TBC1D10A: variants seen among roughly 807,000 people sequenced by gnomAD.
TBC1D10A encodes the protein TBC1 domain family member 10A.
In TBC1D10A, 24 loss-of-function variants were observed where a neutral mutation model predicts 52.9. The ratio of observed to expected loss-of-function variants is 0.45; its 90% CI spans 0.33 to 0.64. The LOEUF is 0.64. Among genes scored for constraint, TBC1D10A ranks in the 30% least tolerant of loss-of-function variants. The pLI, the probability that TBC1D10A is intolerant of heterozygous loss-of-function variation, is 0.02. For missense variants in TBC1D10A, 602 were observed against 687.9 expected, an observed-to-expected ratio of 0.88 and a Z score of 1.40; for synonymous variants, 278 against 282.9, an observed-to-expected ratio of 0.98 and a Z score of 0.17.
chr22:30,307,785 AT>A (rs1396606030), intron 1 of TBC1D10A: 3 of 152,020 alleles, frequency 2.0e-5, no homozygotes, highest in Admixed American at 6.6e-5. Flanking sequence ...CTATAACATC[AT>A]TCTCCCCTTT....
At chr22:30,323,024 T>C (rs1930690623) in intron 1 of TBC1D10A, among the ~76,000 whole-genome samples, 1 of 151,390 alleles carries the variant, frequency 6.6e-6, no homozygotes, top group Admixed American at 6.6e-5. Context: ...CCTCTCAGCC[T>C]CCCAAGTAGC....
At chr22:30,325,128 G>A (rs1360263648) in intron 1 of TBC1D10A, among the ~76,000 whole-genome samples, 1 of 152,226 alleles carries the variant, frequency 6.6e-6, no homozygotes, top group Non-Finnish European at 1.5e-5. Flanking sequence ...GGGGAACTGT[G>A]ACAAAGCATC....
At chr22:30,321,454 C>A (rs1298481026) in intron 1 of TBC1D10A, among the ~76,000 whole-genome samples, 1 of 152,234 alleles carries the variant, frequency 6.6e-6, no homozygotes, top group African/African-American at 2.4e-5. Flanking sequence ...GCCCTGACCC[C>A]ACTCCAATAA....
At position 30,295,823 on chromosome 22, in the gene TBC1D10A, C is replaced by T; in HGVS notation, c.438G>A (p.Gly146=). Residue 146 remains glycine, a synonymous_variant, in exon 4 of 9, where the codon GGG becomes GGA. Transcript: ENST00000215790. ...GKFDELDMSP[G]DPKWLDVIER... is the part of the protein sequence containing the mutation. ...CAATCACGTCCAGCCACTTGGGGTCCCCAGGGGACATGTCCAGCTCCTAGA... is the reference window on the plus strand; with the variant it reads ...CAATCACGTCCAGCCACTTGGGGTCTCCAGGGGACATGTCCAGCTCCTAGA... The T allele has an allele frequency of 6.2e-7, 1 of 1,613,784 alleles. No homozygotes were observed. The highest frequency in any genetic ancestry group is 8.5e-7 in the Non-Finnish European group (1 of 1,179,944).
chr22:30,299,117 A>G, intron 3 of TBC1D10A: 1 of 239,898 alleles, frequency 4.2e-6, no homozygotes, highest in South Asian at 5.7e-5. Flanking sequence ...CTGATGACCA[A>G]GAGCAGGGAG....
chr22:30,326,084 G>A (rs1366030460), intron 1 of TBC1D10A, among the ~76,000 whole-genome samples: 3 of 151,792 alleles, frequency 2.0e-5, no homozygotes, highest in Non-Finnish European at 1.5e-5. Context: ...AGGGGAGGGA[G>A]GTGACCAATG....
chr22:30,294,739 G>A (rs1275806078), intron 6 of TBC1D10A, 57 bp downstream of exon 6: 29 of 1,609,572 alleles, frequency 1.8e-5, no homozygotes, highest in Non-Finnish European at 2.5e-5. Context: ...AGAAGGGCCT[G>A]GAGGGGCCAC....
chr22:30,312,271 C>T (rs1413082563), intron 1 of TBC1D10A, among the ~76,000 whole-genome samples: 1 of 152,154 alleles, frequency 6.6e-6, no homozygotes, highest in Non-Finnish European at 1.5e-5. Flanking sequence ...TAGATCTTAC[C>T]AAAATTAGTC....
rs766331115 is a variant in TBC1D10A at position 30,295,104 on chromosome 22, C to T, written c.525-49G>A. ...GTGATGACCGGGGTGACTCTGCTAC[C>T]CACGGCCTTCACCTATGCCCCAGTG... On this transcript the variant is annotated intron_variant, in intron 4 of 8. Transcript: ENST00000215790. 1.9e-6 allele frequency: 3 copies of T among 1,584,972 alleles called. No individual in the cohort carries two copies. The South Asian group carries it at 3.3e-5, about 18-fold the overall frequency.
At chr22:30,303,306 T>TAGACAGAC (rs3067181) in intron 2 of TBC1D10A, among the ~76,000 whole-genome samples, 3,168 of 149,002 alleles carry the variant, frequency 0.021, 63 homozygotes, top group African/African-American at 0.061. Context: ...GATAGATAGA[T>TAGACAGAC]AGACAGACAG....
intron 6 of TBC1D10A, 29 bp downstream of exon 6, chr22:30,294,767 G>A (rs926326703): frequency 5.6e-6 from 9 of 1,613,944 alleles, no homozygotes; most frequent in Non-Finnish European, 7.6e-6. Flanking sequence ...GTCCAGCCCA[G>A]GGCAAGTCCC....
At chr22:30,324,363 C>T (rs534164604) in intron 1 of TBC1D10A, among the ~76,000 whole-genome samples, 5 of 152,140 alleles carry the variant, frequency 3.3e-5, no homozygotes, top group Admixed American at 2.0e-4. Flanking sequence ...TAGGGAACAT[C>T]GAAGCTTTCA....
intron 4 of TBC1D10A, 130 bp from the exon 5 acceptor site, chr22:30,295,185 G>A: frequency 1.2e-6 from 1 of 844,896 alleles, no homozygotes; most frequent in Non-Finnish European, 1.9e-6. Context: ...ATCTGCTTGT[G>A]GTCACCAAGG....
At chr22:30,306,896 T>G (rs1406284845) in intron 1 of TBC1D10A, among the ~76,000 whole-genome samples, 1 of 152,218 alleles carries the variant, frequency 6.6e-6, no homozygotes, top group Non-Finnish European at 1.5e-5. Context: ...ATCTATTTTT[T>G]TTGTTGTTAA....
chr22:30,300,524 A>G (rs1229309965), intron 2 of TBC1D10A: 1 of 152,042 alleles, frequency 6.6e-6, no homozygotes, highest in Non-Finnish European at 1.5e-5. Flanking sequence ...CAGGGAGGGC[A>G]TTGCACTGTG....
chr22:30,311,879 G>A (rs188486556), intron 1 of TBC1D10A, among the ~76,000 whole-genome samples: 7 of 152,088 alleles, frequency 4.6e-5, no homozygotes, highest in East Asian at 1.9e-4. Flanking sequence ...TGCAGCCTCC[G>A]CCTCCTGGGC....
At chr22:30,303,306 T>TAGATAGACAGACAGACAGAC (rs139722034) in intron 2 of TBC1D10A, among the ~76,000 whole-genome samples, 2 of 148,916 alleles carry the variant, frequency 1.3e-5, no homozygotes, top group Non-Finnish European at 1.5e-5. Flanking sequence ...GATAGATAGA[T>TAGATAGACAGACAGACAGAC]AGACAGACAG....
chr22:30,311,443 T>G (rs1457663853), intron 1 of TBC1D10A, among the ~76,000 whole-genome samples: 2 of 152,214 alleles, frequency 1.3e-5, no homozygotes, highest in Non-Finnish European at 2.9e-5. Context: ...CCAGGCTCCC[T>G]GTCTGAGTGA....
chr22:30,295,121 G>GC, intron 4 of TBC1D10A, 66 bp from the exon 5 acceptor site: 1 of 1,505,984 alleles, frequency 6.6e-7, no homozygotes, highest in Admixed American at 1.7e-5. Flanking sequence ...CTTCACCTAT[G>GC]CCCCAGTGGA....
Sources: gnomAD v4.1 joint callset for allele counts (sites outside exome capture counted in the v4.1 genomes callset) on GRCh38, gnomAD v4.1.1 for gene constraint, MANE v1.5 for transcripts, NCBI Gene and HGNC (gene_info 2026-07-23, HGNC 2026-07-21) for gene names.